Variants in TOP3B observed in about 807,000 individuals in gnomAD.
TOP3B encodes the protein DNA topoisomerase 3-beta-1.
Under a neutral mutation model 93.9 loss-of-function variants are expected in TOP3B, and 45 were observed. The ratio of observed to expected loss-of-function variants is 0.48; its 90% confidence interval spans 0.38 to 0.61. TOP3B has a LOEUF of 0.61. Among genes scored for constraint, TOP3B ranks in the 20% least tolerant of loss-of-function variants. TOP3B has a pLI of 0.00. For missense variants in TOP3B, 750 were observed against 1,156.1 expected (o/e 0.65, Z 5.09); for synonymous variants, 357 against 472.6 (o/e 0.76, Z 3.17).
chr22:21,968,473 C>T, intron 7 of TOP3B, 146 bp downstream of exon 7: 1 of 993,920 alleles, frequency 1.0e-6, no homozygotes. Flanking sequence ...GTCCCTCAGC[C>T]CTAGGCACCA....
Position 21,968,685 on chromosome 22 carries a change from G to A in TOP3B, c.672C>T (p.Phe224=). ...FGPCQTPTLG[F]CVERHDKIQS... Reference sequence around the variant, plus strand: ...GGATTTTATCATGTCTCTCCACACAGAATCCCAGGGTTGGAGTCTGACACG... The same window carrying A: ...GGATTTTATCATGTCTCTCCACACAAAATCCCAGGGTTGGAGTCTGACACG... Residue 224 remains phenylalanine (F), a synonymous_variant, in exon 7 of 18, where the codon TTC becomes TTT. Transcript: ENST00000357179. 6.2e-7 allele frequency: 1 copy of A among 1,614,188 alleles called. No individual in the cohort carries two copies. Among genetic ancestry groups the A allele is most frequent in the Non-Finnish European group, 8.5e-7 (1 of 1,180,028 alleles).
rs1601823878 is a variant in TOP3B, at chr22:21,963,592, A to C, written c.1204+331T>G. ...CCTTCCTCATTTGCCTTCTCCTGGC[A>C]CTCGGACCACTGGTACCACCTTAGG... On this transcript the variant is annotated intron_variant, in intron 11 of 17. Transcript: ENST00000357179. The surrounding 1 kb of genome is among the most constrained non-coding windows in gnomAD (Gnocchi z 4.8). The C allele has an allele frequency of 5.9e-6, 2 of 338,836 alleles. No homozygotes were observed. The highest frequency in any genetic ancestry group is 6.9e-5 in the East Asian group (1 of 14,482). The allele number at this position is 338,836 out of a possible 1,614,324, so 21.0% of individuals were successfully genotyped here.
chr22:21,972,143 T>C (rs764431325), intron 4 of TOP3B, 192 bp from the exon 5 acceptor site: 23 of 556,842 alleles, frequency 4.1e-5, no homozygotes, highest in South Asian at 3.4e-4. Flanking sequence ...GAGTTTATAA[T>C]TGATGTTTTT....
intron 3 of TOP3B, chr22:21,973,638 C>T (rs148872592): frequency 6.6e-6 from 1 of 152,114 alleles, no homozygotes. Context: ...TCCAAATGCT[C>T]AGCCACACAA....
chr22:21,979,746 C>T (rs561044821), intron 1 of TOP3B, among the ~76,000 whole-genome samples: 2 of 151,806 alleles, frequency 1.3e-5, no homozygotes, highest in East Asian at 1.9e-4. Flanking sequence ...TCAAGACCAT[C>T]CTGACTAACG....
At position 21,960,206 on chromosome 22, in the gene TOP3B, G is replaced by T; in HGVS notation, c.1654+115C>A. 7 of 1,485,114 alleles carry T rather than the reference G, an allele frequency of 4.7e-6. No individual in the cohort carries two copies. In the Middle Eastern group the frequency reaches 1.4e-3, roughly 290 times the overall value. The allele number at this position is 1,485,114 out of a possible 1,614,324, so 92.0% of individuals were successfully genotyped here. ...CAGCGGGTGTTGAGGGAGTGTGTGT[G>T]GGGCTGGGGGATCACTGTAGGGCAG... On this transcript the variant is annotated intron_variant, in intron 14 of 17. Coordinates refer to ENST00000357179, the MANE Select transcript of TOP3B (RefSeq NM_001282112.2).
chr22:21,980,187 G>A (rs1301589707), intron 1 of TOP3B, among the ~76,000 whole-genome samples: 3 of 152,176 alleles, frequency 2.0e-5, no homozygotes, highest in Admixed American at 2.0e-4. Context: ...AAAACAAACA[G>A]TCCAAGCAAT....
chr22:21,958,526 G>A lies in TOP3B; in HGVS notation c.2073C>T (p.Cys691=). ...RGKSYPLCPY[C]YNHPPFRDMK... is the part of the protein sequence containing the mutation. ...TGTCTCGGAAGGGTGGGTGGTTGTA[G>A]CAGTAGGGGCACAGCGGGTAGCTCT... The change falls in exon 17 of 18, where the codon TGC becomes TGT. Residue 691 remains cysteine, a synonymous_variant. Transcript: ENST00000357179. 1 of 1,614,100 alleles carries A rather than the reference G, an allele frequency of 6.2e-7. No individual in the cohort carries two copies.
rs764584490 is a variant in TOP3B at position 21,962,605 on chromosome 22, G to A, written c.1352-3C>T. Reference sequence around the variant, plus strand: ...CCAGGGCATGACCTCCGTGAAGCCTGGAGAGATATGCGCCGCCACTCAGGG... The same window carrying A: ...CCAGGGCATGACCTCCGTGAAGCCTAGAGAGATATGCGCCGCCACTCAGGG... On this transcript the variant is annotated splice_region_variant and splice_polypyrimidine_tract_variant and intron_variant, in intron 12 of 17. Transcript: ENST00000357179. 2 of 1,611,292 alleles carry A rather than the reference G, an allele frequency of 1.2e-6. No individual in the cohort carries two copies. The highest frequency in any genetic ancestry group is 1.7e-6 in the Non-Finnish European group (2 of 1,178,406).
intron 13 of TOP3B, chr22:21,961,922 G>A (rs138756211): frequency 6.9e-4 from 180 of 260,622 alleles, no homozygotes; most frequent in Admixed American, 2.6e-3. Flanking sequence ...CTACACTTTT[G>A]CTTTGATAAA....
At chr22:21,959,938 GA>G in intron 14 of TOP3B, 1 of 718,620 alleles carries the variant, frequency 1.4e-6, no homozygotes, top group Non-Finnish European at 2.2e-6. Flanking sequence ...TTCCCACCTG[GA>G]AATGTCAGGC....
In TOP3B at chr22:21,971,173, T is replaced by A. The variant is rs2071622927; in HGVS notation, c.384+704A>T. ...AGAGGGTATCTGGGAAGAGACAGAG[T>A]GTGATCGCATTTGCTGAGGGTGCTG... On this transcript the variant is annotated intron_variant, in intron 5 of 17. Transcript: ENST00000357179. This position sits in a 1 kb window ranked among gnomAD's most constrained non-coding sequence, Gnocchi z 4.6. 3 of 651,556 alleles carry A rather than the reference T, an allele frequency of 4.6e-6. No homozygotes were observed. Among genetic ancestry groups the A allele is most frequent in the Non-Finnish European group, 7.0e-6 (3 of 429,320 alleles). The allele number at this position is 651,556 out of a possible 1,614,324, so 40.4% of individuals were successfully genotyped here.
intron 2 of TOP3B, chr22:21,975,387 C>T (rs2071823041): frequency 2.5e-6 from 1 of 395,906 alleles, no homozygotes; most frequent in Admixed American, 4.0e-5. Flanking sequence ...CCCACCAGGC[C>T]CAGCATATGG....
At chr22:21,958,190 G>C in intron 17 of TOP3B, 2 of 1,290,202 alleles carry the variant, frequency 1.6e-6, no homozygotes, top group Middle Eastern at 3.2e-4. Context: ...CACCGGGTGG[G>C]TCCCCCGACT....
chr22:21,968,723 TGA>T lies in TOP3B; in HGVS notation c.632_633del (p.Leu211HisfsTer19). ...QGKYGDLDSS[L>X]ISFGPCQTPT... ...GGAGTCTGACACGGCCCAAAGGAGATGAGAGAGCTGTCTAAATCACCGTATTT... is the reference window on the plus strand; with the variant it reads ...GGAGTCTGACACGGCCCAAAGGAGATGAGAGCTGTCTAAATCACCGTATTT... On this transcript the variant is annotated frameshift_variant, in exon 7 of 18. Transcript: ENST00000357179. LOFTEE classifies it high-confidence loss of function. 1 of 1,613,128 alleles carries T rather than the reference TGA, an allele frequency of 6.2e-7. No homozygotes were observed. Among genetic ancestry groups the T allele is most frequent in the Non-Finnish European group, 8.5e-7 (1 of 1,179,106 alleles).
At chr22:21,960,814 C>T (rs776596221) in intron 13 of TOP3B, 20 of 256,368 alleles carry the variant, frequency 7.8e-5, no homozygotes, top group Non-Finnish European at 1.1e-4. Context: ...CACCTGCTCC[C>T]GGAGCCAGAG....
rs1203776050 is a variant in TOP3B at position 21,962,849 on chromosome 22, T to C, written c.1249A>G (p.Ile417Val). The C allele has an allele frequency of 1.2e-6, 2 of 1,613,884 alleles. No homozygotes were observed. The highest frequency in any genetic ancestry group is 1.3e-5 in the African/African-American group (1 of 74,914). The change falls in exon 12 of 18, where the codon ATC becomes GTC. Residue 417 changes from isoleucine (I) to valine (V), a missense_variant. By Grantham distance (29) the Ile-to-Val change is conservative (BLOSUM62 3). Transcript: ENST00000357179. Reference sequence around the variant, plus strand: ...TTGCAGTCATGGCTGACCGTGGCGATGAAGTGTCTGGTGATGTACTCATAG... The same window carrying C: ...TTGCAGTCATGGCTGACCGTGGCGACGAAGTGTCTGGTGATGTACTCATAG... ...RLYEYITRHF[I>V]ATVSHDCKYL...
rs761686573 is a variant in TOP3B at position 21,962,511 on chromosome 22, C to T, written c.1443G>A (p.Val481=). Residue 481 remains valine, a synonymous_variant, in exon 13 of 18, where the codon GTG becomes GTA. Coordinates refer to ENST00000357179, the MANE Select transcript of TOP3B (RefSeq NM_001282112.2). ...QRGDAFPVGE[V]KMLEKQTNPP... ...GGTTCGTCTGCTTCTCCAGCATCTT[C>T]ACCTCGCCCACAGGGAAGGCATCAC... is the stretch of plus-strand genomic sequence containing the variant. 8 of 1,613,772 alleles carry T rather than the reference C, an allele frequency of 5.0e-6. No individual in the cohort carries two copies. In the Admixed American group the frequency reaches 1.0e-4, roughly 20 times the overall value.
At chr22:21,978,787 G>A (rs987553824) in intron 1 of TOP3B, among the ~76,000 whole-genome samples, 2 of 152,204 alleles carry the variant, frequency 1.3e-5, no homozygotes, top group African/African-American at 4.8e-5. Flanking sequence ...AGCTGCATGG[G>A]GTGAGCTCAA....
Sources: allele counts gnomAD v4.1 joint callset (sites outside exome capture counted in the v4.1 genomes callset), GRCh38; gene constraint gnomAD v4.1.1; non-coding constraint Gnocchi (gnomAD v3.1); transcripts MANE v1.5; gene names NCBI Gene and HGNC (gene_info 2026-07-23, HGNC 2026-07-21).